Variants in TAF7L observed in about 807,000 individuals in gnomAD.
The protein encoded by TAF7L is TATA-box binding protein associated factor 7 like.
TAF7L carries 6 observed loss-of-function variants against 30.2 expected under a neutral mutation model. The ratio of observed to expected loss-of-function variants is 0.20; its 90% CI spans 0.11 to 0.39. The LOEUF is 0.39. Among genes scored for constraint, TAF7L ranks in the 10% least tolerant of loss-of-function variants. The pLI is 1.00. For synonymous variants in TAF7L, 93 were observed against 94.5 expected, an observed-to-expected ratio of 0.98 and a Z score of 0.09; for missense variants, 284 against 277.1, an observed-to-expected ratio of 1.03 and a Z score of -0.18.
upstream of TAF7L, among the ~76,000 whole-genome samples, chrX:101,291,505 C>A (rs760401256): frequency 4.5e-5 from 5 of 112,042 alleles, no homozygotes; most frequent in South Asian, 7.3e-4. Flanking sequence ...CCGAGGGGAG[C>A]GCCGAGGGGA....
At position 101,281,772 on chromosome X, in the gene TAF7L, G is replaced by A; in HGVS notation, c.410C>T (p.Thr137Met). Reference protein sequence around the residue: ...EEKCVWKHGITPPLKNVRKKR... With the variant: ...EEKCVWKHGIMPPLKNVRKKR... Reference sequence around the variant, plus strand: ...CTTTCTGACATTCTTAAGTGGTGGCGTAACTAAAATAAATACAACACAGTG... The same window carrying A: ...CTTTCTGACATTCTTAAGTGGTGGCATAACTAAAATAAATACAACACAGTG... The change falls in exon 6 of 13, where the codon ACG (threonine) becomes ATG (methionine). Residue 137 changes from threonine to methionine, a missense_variant. Coordinates refer to ENST00000356784, the MANE Select transcript of TAF7L (RefSeq NM_001168474.2). The A allele has an allele frequency of 8.3e-7, 1 of 1,207,248 alleles. No individual in the cohort carries two copies. Among genetic ancestry groups the A allele is most frequent in the Non-Finnish European group, 1.1e-6 (1 of 892,590 alleles).
intron 12 of TAF7L, among the ~76,000 whole-genome samples, chrX:101,271,722 G>A (rs1923969844): frequency 9.0e-6 from 1 of 111,553 alleles, no homozygotes; most frequent in African/African-American, 3.3e-5. Flanking sequence ...CTGCTGCTAT[G>A]TTATGATGGC....
At chrX:101,292,928 C>T, upstream of TAF7L, 1 of 1,211,307 alleles carries the variant, frequency 8.3e-7, no homozygotes. Context: ...TAGGTGGTTT[C>T]AGACCCACGG....
upstream of TAF7L, among the ~76,000 whole-genome samples, chrX:101,292,245 A>AAT (rs1555970293): frequency 1.1e-4 from 4 of 37,722 alleles, no homozygotes; most frequent in African/African-American, 1.2e-3. Flanking sequence ...TCTCAAAAAA[A>AAT]AAAAAATAAA....
rs745820357 is a variant in TAF7L, at chrX:101,285,411, T to C, written c.145+1164A>G. Among the ~76,000 whole-genome samples, 3 of 105,296 alleles carry C rather than the reference T, an allele frequency of 2.8e-5. No homozygotes were observed. In the Admixed American group the frequency reaches 3.1e-4, roughly 11 times the overall value. The allele number at this position is 105,296 out of a possible 115,157, so 91.4% of individuals were successfully genotyped here. A position where few individuals can be genotyped will look rare whatever the true frequency, so the allele number is the denominator to read the frequency against. ...TACTCGGAAGGCTGAGGCAGGAGAA[T>C]TGCTTGAACCCAGGAGGTGGAGGTT... On this transcript the variant is annotated intron_variant, in intron 3 of 12. Transcript: ENST00000356784.
chrX:101,285,143 G>C (rs1924536537), intron 3 of TAF7L, among the ~76,000 whole-genome samples: 1 of 110,518 alleles, frequency 9.0e-6, no homozygotes, highest in African/African-American at 3.3e-5. Context: ...TGGGGTTGCT[G>C]GATCACATGG....
rs748737737 is a variant in TAF7L at position 101,268,385 on chromosome X, T to TAACC, written c.*804_*807dup. 1 of 112,446 alleles carries TAACC rather than the reference T, an allele frequency of 8.9e-6. No homozygotes were observed. The highest frequency in any genetic ancestry group is 3.7e-4 in the South Asian group (1 of 2,699). The allele number at this position is 112,446 out of a possible 1,213,427, so 9.3% of individuals were successfully genotyped here. A position where few individuals can be genotyped will look rare whatever the true frequency, so the allele number is the denominator to read the frequency against. On this transcript the variant is annotated 3_prime_UTR_variant, in exon 13 of 13. Transcript: ENST00000356784. Reference sequence around the variant, plus strand: ...AGGCATTATGGCATCTTGTTCTTCCTAACCTTAACTGATGAGGGTTAGGAG... The same window carrying TAACC: ...AGGCATTATGGCATCTTGTTCTTCCTAACCAACCTTAACTGATGAGGGTTAGGAG...
Position 101,268,511 on chromosome X carries a change from C to G in TAF7L, c.*682G>C, listed in dbSNP as rs1923865193. 9.0e-6 allele frequency: 1 copy of G among 111,685 alleles called. No homozygotes were observed. Among genetic ancestry groups the G allele is most frequent in the South Asian group, 3.7e-4 (1 of 2,700 alleles). 9.2% of individuals were successfully genotyped at this position (111,685 alleles called of 1,213,427 possible). On this transcript the variant is annotated 3_prime_UTR_variant, in exon 13 of 13. Transcript: ENST00000356784. Reference sequence around the variant, plus strand: ...ACAACCAGCTCCATCCTAAAAACAACAGAACATAAGCAGCAGCAAGGAATC... The same window carrying G: ...ACAACCAGCTCCATCCTAAAAACAAGAGAACATAAGCAGCAGCAAGGAATC...
At chrX:101,290,204 A>G (rs1924750038) in intron 1 of TAF7L, among the ~76,000 whole-genome samples, 1 of 110,658 alleles carries the variant, frequency 9.0e-6, no homozygotes, top group South Asian at 3.8e-4. Context: ...CTCAAAAACA[A>G]AACAAAACAA....
At chrX:101,288,854 A>C (rs1924704631) in intron 1 of TAF7L, among the ~76,000 whole-genome samples, 1 of 111,548 alleles carries the variant, frequency 9.0e-6, no homozygotes, top group Non-Finnish European at 1.9e-5. Context: ...TAATGAGCAC[A>C]TCCATCACCT....
chrX:101,270,999 A>G lies in TAF7L; in HGVS notation c.1087-1762T>C, dbSNP rs949588456. Among the ~76,000 whole-genome samples, 64 of 111,292 alleles carry G rather than the reference A, an allele frequency of 5.8e-4. 1 individual carries two copies. The highest frequency in any genetic ancestry group is 2.0e-3 in the African/African-American group (62 of 30,610). On this transcript the variant is annotated intron_variant, in intron 12 of 12. Transcript: ENST00000356784. ...TACCTATATTTTAAGGCCCCAGTCA[A>G]ACACCATCTTCTCCATGAAGTCTTC...
chrX:101,286,181 A>C (rs1225801994), intron 3 of TAF7L, among the ~76,000 whole-genome samples: 7 of 89,062 alleles, frequency 7.9e-5, no homozygotes, highest in African/African-American at 2.9e-4. Flanking sequence ...ACTCCATCTC[A>C]AAAAAAAAAA....
At chrX:101,270,385 A>G (rs1316769767) in intron 12 of TAF7L, among the ~76,000 whole-genome samples, 1 of 111,099 alleles carries the variant, frequency 9.0e-6, no homozygotes, top group Non-Finnish European at 1.9e-5. Context: ...TCAGTTGCTG[A>G]GTGACCCCTG....
At chrX:101,282,102 T>C (rs994520703) in intron 5 of TAF7L, among the ~76,000 whole-genome samples, 3 of 110,372 alleles carry the variant, frequency 2.7e-5, no homozygotes, top group Non-Finnish European at 5.7e-5. Context: ...GCCAAGCTGG[T>C]CTCGAACTCC....
At chrX:101,279,806 C>G (rs1423254137) in intron 6 of TAF7L, among the ~76,000 whole-genome samples, 1 of 110,750 alleles carries the variant, frequency 9.0e-6, no homozygotes, top group African/African-American at 3.3e-5. Context: ...AACCCAGAAA[C>G]AGACCCATAA....
At chrX:101,288,939 G>T (rs749784197) in intron 1 of TAF7L, among the ~76,000 whole-genome samples, 17 of 110,555 alleles carry the variant, frequency 1.5e-4, no homozygotes, top group Non-Finnish European at 2.8e-4. Context: ...TTGGAAGTGG[G>T]AGATTGTATA....
At chrX:101,275,380 T>C in intron 11 of TAF7L, 99 bp from the exon 12 acceptor site, 1 of 650,562 alleles carries the variant, frequency 1.5e-6, no homozygotes, top group Non-Finnish European at 2.3e-6. Context: ...TTTTTGTTTT[T>C]GTTTTTGAGG....
chrX:101,276,084 T>C lies in TAF7L; in HGVS notation c.942A>G (p.Lys314=), dbSNP rs748863874. ...IVMEIQKQIE[K]KEKKLHKIQN... Reference sequence around the variant, plus strand: ...GAATCTTATGGAGCTTTTTCTCCTTTTTCTCAATCTGCTTCTGAATTTCCA... The same window carrying C: ...GAATCTTATGGAGCTTTTTCTCCTTCTTCTCAATCTGCTTCTGAATTTCCA... The change falls in exon 11 of 13, where the codon AAA becomes AAG. Residue 314 remains lysine, a synonymous_variant. Transcript: ENST00000356784. 36 of 1,203,103 alleles carry C rather than the reference T, an allele frequency of 3.0e-5. No homozygotes were observed. Among genetic ancestry groups the C allele is most frequent in the Non-Finnish European group, 3.6e-5 (32 of 892,126 alleles).
At chrX:101,275,306 T>C (rs1352549888) in intron 11 of TAF7L, 25 bp from the exon 12 acceptor site, 17 of 1,007,614 alleles carry the variant, frequency 1.7e-5, no homozygotes, top group African/African-American at 4.2e-5. Context: ...GTATAAATGA[T>C]GAACACTGAG....
Sources: allele counts gnomAD v4.1 joint callset (sites outside exome capture counted in the v4.1 genomes callset), GRCh38; gene constraint gnomAD v4.1.1; transcripts MANE v1.5; gene names NCBI Gene and HGNC (gene_info 2026-07-23, HGNC 2026-07-21).